Variants in RAB11FIP1 observed in about 807,000 individuals in gnomAD.
RAB11FIP1 encodes rab11 family-interacting protein 1.
In RAB11FIP1, 49 loss-of-function variants were observed where a neutral mutation model predicts 83.1. The observed-to-expected ratio is 0.59, with a 90% CI of 0.47 to 0.75. The LOEUF is 0.75. Among genes scored for constraint, RAB11FIP1 ranks in the 30% least tolerant of loss-of-function variants. The pLI is 0.00. For synonymous variants in RAB11FIP1, 670 were observed against 656.0 expected (o/e 1.02, Z -0.33); for missense variants, 1,536 against 1,598.7 (o/e 0.96, Z 0.67).
chr8:37,888,012 G>A (rs1027715477), intron 1 of RAB11FIP1, among the ~76,000 whole-genome samples: 6 of 152,110 alleles, frequency 3.9e-5, no homozygotes, highest in African/African-American at 1.4e-4. Context: ...CTAACTTATC[G>A]ACCAAATATA....
chr8:37,896,917 A>G (rs1807100399), intron 1 of RAB11FIP1, among the ~76,000 whole-genome samples: 1 of 152,172 alleles, frequency 6.6e-6, no homozygotes, highest in Admixed American at 6.6e-5. Flanking sequence ...CTACCTCTCA[A>G]GGGGATAAAA....
intron 1 of RAB11FIP1, among the ~76,000 whole-genome samples, chr8:37,895,977 C>T (rs1807080638): frequency 6.6e-6 from 1 of 152,092 alleles, no homozygotes. Flanking sequence ...ATCACCCGTT[C>T]AAATGACTTT....
At chr8:37,878,806 C>T (rs1325491963) in intron 1 of RAB11FIP1, among the ~76,000 whole-genome samples, 5 of 151,598 alleles carry the variant, frequency 3.3e-5, no homozygotes, top group African/African-American at 9.7e-5. Flanking sequence ...TCAAGACCAG[C>T]CTGGGCAATA....
Position 37,877,090 on chromosome 8 carries a change from GGA to G in RAB11FIP1, c.814+17_814+18del. The G allele has an allele frequency of 6.3e-7, 1 of 1,577,426 alleles. No homozygotes were observed. On this transcript the variant is annotated intron_variant, in intron 2 of 5. Coordinates refer to ENST00000330843, the MANE Select transcript of RAB11FIP1 (RefSeq NM_001002814.3). Reference sequence around the variant, plus strand: ...TAAGAGGAAGAAGAGAGGTCAAGCAGGAAGAGGCAGAAACTCACCATCCGAGG... The same window carrying G: ...TAAGAGGAAGAAGAGAGGTCAAGCAGAGAGGCAGAAACTCACCATCCGAGG...
chr8:37,871,181 C>G, intron 4 of RAB11FIP1, 97 bp downstream of exon 4: 1 of 1,475,012 alleles, frequency 6.8e-7, no homozygotes, highest in East Asian at 2.4e-5. Flanking sequence ...GTTGTCACAT[C>G]AGACGTCTGT....
At chr8:37,897,488 A>G (rs1807112822) in intron 1 of RAB11FIP1, among the ~76,000 whole-genome samples, 1 of 149,226 alleles carries the variant, frequency 6.7e-6, no homozygotes, top group African/African-American at 2.5e-5. Flanking sequence ...TTGGCATACT[A>G]GATGAACATA....
At chr8:37,880,172 G>A (rs1028078984) in intron 1 of RAB11FIP1, among the ~76,000 whole-genome samples, 1 of 152,056 alleles carries the variant, frequency 6.6e-6, no homozygotes, top group African/African-American at 2.4e-5. Flanking sequence ...AAGAATGTGA[G>A]CCAGGTTGGG....
intron 5 of RAB11FIP1, among the ~76,000 whole-genome samples, chr8:37,868,760 T>C (rs1013255902): frequency 6.6e-6 from 1 of 152,186 alleles, no homozygotes; most frequent in Admixed American, 6.5e-5. Flanking sequence ...GCAGAGTTCA[T>C]CTGGGAGGCT....
rs1348054048 is a variant in RAB11FIP1, at chr8:37,899,088, C to T, written c.354G>A (p.Gln118=). The T allele has an allele frequency of 6.6e-7, 1 of 1,513,866 alleles. No individual in the cohort carries two copies. The highest frequency in any genetic ancestry group is 2.6e-5 in the East Asian group (1 of 37,776). The allele number at this position is 1,513,866 out of a possible 1,614,324, so 93.8% of individuals were successfully genotyped here. A position where few individuals can be genotyped will look rare whatever the true frequency, so the allele number is the denominator to read the frequency against. ...EVDLRDLHRD[Q]GRRKTQWYKL... is the part of the protein sequence containing the mutation. ...GCACTCACTGCGTCTTCCTGCGGCCCTGGTCGCGGTGCAGATCCCGCAGGT... is the reference window on the plus strand; with the variant it reads ...GCACTCACTGCGTCTTCCTGCGGCCTTGGTCGCGGTGCAGATCCCGCAGGT... The change falls in exon 1 of 6, where the codon CAG becomes CAA. Residue 118 remains glutamine, a synonymous_variant. Transcript: ENST00000330843. This position sits in a 1 kb window ranked among gnomAD's most constrained non-coding sequence, Gnocchi z 4.5.
chr8:37,860,391 G>C lies in RAB11FIP1; in HGVS notation c.*2504C>G, dbSNP rs936455261. The C allele has an allele frequency of 6.6e-6, 1 of 152,416 alleles. No individual in the cohort carries two copies. The highest frequency in any genetic ancestry group is 2.4e-5 in the African/African-American group (1 of 41,442). The allele number at this position is 152,416 out of a possible 1,614,324, so 9.4% of individuals were successfully genotyped here. On this transcript the variant is annotated 3_prime_UTR_variant, in exon 6 of 6. Transcript: ENST00000330843. ...AGAGTCTCGCCCGTTGCCCAGGCTG[G>C]AGTGCAATGATGTGATCTCAGCTCA...
At chr8:37,873,270 G>T (rs1806522310) in intron 3 of RAB11FIP1, 91 bp from the exon 4 acceptor site, 5 of 1,403,380 alleles carry the variant, frequency 3.6e-6, no homozygotes, top group Admixed American at 2.5e-5. Flanking sequence ...TTCACCAGGG[G>T]AGAACGTCTT....
rs371900415 is a variant in RAB11FIP1 at position 37,872,916 on chromosome 8, G to T, written c.1886C>A (p.Pro629His). Residue 629 changes from proline (P) to histidine (H), a missense_variant, in exon 4 of 6, where the codon CCC becomes CAC. Coordinates refer to ENST00000330843, the MANE Select transcript of RAB11FIP1 (RefSeq NM_001002814.3). The part of the protein sequence containing the change: ...DRGQAKSEGP[P>H]LLPKAELQTE... ...TTGCAACTCTGCCTTAGGGAGCAAG[G>T]GTGGTCCTTCAGACTTGGCCTGGCC... is the stretch of plus-strand genomic sequence containing the variant. The T allele has an allele frequency of 1.3e-5, 21 of 1,614,104 alleles. No homozygotes were observed. The highest frequency in any genetic ancestry group is 1.8e-5 in the Non-Finnish European group (21 of 1,180,046).
intron 1 of RAB11FIP1, among the ~76,000 whole-genome samples, chr8:37,894,400 ACTTGCAGTT>A (rs1334113914): frequency 2.0e-5 from 3 of 152,000 alleles, no homozygotes; most frequent in African/African-American, 7.3e-5. Flanking sequence ...ATCTTATTAA[ACTTGCAGTT>A]CTTCCAAGTA....
chr8:37,873,299 T>G (rs899182096), intron 3 of RAB11FIP1, 120 bp from the exon 4 acceptor site: 61 of 1,156,860 alleles, frequency 5.3e-5, no homozygotes, highest in Non-Finnish European at 6.1e-5. Flanking sequence ...GGGCAGTACC[T>G]TAAGAAGTTA....
chr8:37,877,001 GGAATT>G, intron 2 of RAB11FIP1, 103 bp downstream of exon 2: 2 of 826,376 alleles, frequency 2.4e-6, no homozygotes, highest in Non-Finnish European at 3.8e-6. Flanking sequence ...TTGTAATTGA[GGAATT>G]GAATTAAACT....
intron 1 of RAB11FIP1, among the ~76,000 whole-genome samples, chr8:37,886,038 G>C (rs972217438): frequency 1.8e-4 from 28 of 152,320 alleles, no homozygotes; most frequent in African/African-American, 6.5e-4. Flanking sequence ...TCTTTCTGCA[G>C]CTGAAACAAA....
chr8:37,881,812 G>A (rs937585772), intron 1 of RAB11FIP1, among the ~76,000 whole-genome samples: 2 of 152,036 alleles, frequency 1.3e-5, no homozygotes, highest in Admixed American at 1.3e-4. Flanking sequence ...AAAATGCAAG[G>A]TCTTTATAGA....
At chr8:37,868,836 C>A (rs1471555965) in intron 5 of RAB11FIP1, among the ~76,000 whole-genome samples, 1 of 151,946 alleles carries the variant, frequency 6.6e-6, no homozygotes, top group Non-Finnish European at 1.5e-5. Context: ...TCCAAATGAG[C>A]AAGATACTTC....
Position 37,863,083 on chromosome 8 carries a change from A to G in RAB11FIP1, c.3664T>C (p.Tyr1222His). The part of the protein sequence containing the change: ...KYSPSDPAFA[Y>H]AQLTHDELIQ... ...AGCTCATCGTGGGTCAGCTGCGCAT[A>G]TGCAAATGCAGGGTCCGAGGGGCTG... The change falls in exon 6 of 6, where the codon TAT becomes CAT. Residue 1222 changes from tyrosine (Y) to histidine (H), a missense_variant. By Grantham distance (83) the Tyr-to-His change is moderately conservative. Coordinates refer to ENST00000330843, the MANE Select transcript of RAB11FIP1 (RefSeq NM_001002814.3). 3.7e-6 allele frequency: 6 copies of G among 1,612,590 alleles called. No individual in the cohort carries two copies. Among genetic ancestry groups the G allele is most frequent in the Non-Finnish European group, 4.2e-6 (5 of 1,179,992 alleles).
Sources: gnomAD v4.1 joint callset for allele counts (sites outside exome capture counted in the v4.1 genomes callset) on GRCh38, gnomAD v4.1.1 for gene constraint, Gnocchi (gnomAD v3.1) non-coding constraint, MANE v1.5 for transcripts, NCBI Gene and HGNC (gene_info 2026-07-23, HGNC 2026-07-21) for gene names.